PCDH9: variants seen among roughly 807,000 people sequenced by gnomAD.
PCDH9 encodes protocadherin-9.
PCDH9 carries 24 observed loss-of-function variants against 70.6 expected under a neutral mutation model. The observed-to-expected ratio is 0.34, with a 90% CI of 0.25 to 0.48. PCDH9 has a LOEUF of 0.48. Ranked by LOEUF, PCDH9 falls within the 20% of genes least tolerant of loss-of-function variation. The pLI is 0.99. For synonymous variants in PCDH9, 562 were observed against 558.5 expected (o/e 1.01, Z -0.09); for missense variants, 1,281 against 1,503.6 (o/e 0.85, Z 2.45).
intron 2 of PCDH9, among the ~76,000 whole-genome samples, chr13:67,095,226 T>C (rs2086296213): frequency 6.6e-6 from 1 of 152,166 alleles, no homozygotes; most frequent in Non-Finnish European, 1.5e-5. Flanking sequence ...GATACAGCTG[T>C]GTCCAAGGAG....
intron 3 of PCDH9, among the ~76,000 whole-genome samples, chr13:66,764,650 G>A (rs1332277260): frequency 6.6e-6 from 1 of 151,998 alleles, no homozygotes; most frequent in East Asian, 1.9e-4. Flanking sequence ...CTCTAAAGCA[G>A]ATCTATGGAA....
intron 4 of PCDH9, among the ~76,000 whole-genome samples, chr13:66,443,568 T>C (rs1958014204): frequency 6.6e-6 from 1 of 152,182 alleles, no homozygotes. Flanking sequence ...GATTTTCATG[T>C]ATTTTTTTCA....
At chr13:66,750,210 T>G (rs1289373367) in intron 3 of PCDH9, among the ~76,000 whole-genome samples, 2 of 152,110 alleles carry the variant, frequency 1.3e-5, no homozygotes, top group Admixed American at 6.6e-5. Context: ...TAAAGAAGAA[T>G]GACAAATATT....
intron 2 of PCDH9, among the ~76,000 whole-genome samples, chr13:67,104,252 C>T (rs1030616274): frequency 2.0e-5 from 3 of 152,102 alleles, no homozygotes; most frequent in African/African-American, 7.2e-5. Context: ...TTCTAACTAG[C>T]AGGTCTGTGC....
At chr13:66,476,217 A>G (rs1958726068) in intron 4 of PCDH9, among the ~76,000 whole-genome samples, 1 of 152,084 alleles carries the variant, frequency 6.6e-6, no homozygotes, top group Non-Finnish European at 1.5e-5. Context: ...GTATCCTAGA[A>G]GTTTGTTTTG....
At chr13:66,315,901 G>A (rs1374144190) in intron 4 of PCDH9, among the ~76,000 whole-genome samples, 2 of 152,144 alleles carry the variant, frequency 1.3e-5, no homozygotes, top group African/African-American at 4.8e-5. Flanking sequence ...CACAAACTTA[G>A]TGGCTTAAAA....
chr13:66,739,934 A>C (rs1034206654), intron 3 of PCDH9, among the ~76,000 whole-genome samples: 1 of 149,836 alleles, frequency 6.7e-6, no homozygotes, highest in Admixed American at 6.7e-5. Flanking sequence ...CAGATCAACG[A>C]GACAGAAAGT....
intron 2 of PCDH9, among the ~76,000 whole-genome samples, chr13:66,976,722 T>A (rs1160942124): frequency 6.6e-6 from 1 of 152,102 alleles, no homozygotes; most frequent in Non-Finnish European, 1.5e-5. Context: ...AGATACAAAC[T>A]GTAATTTGTC....
chr13:66,399,819 G>T lies in PCDH9; in HGVS notation c.3341-94791C>A, dbSNP rs1445285921. ...TATCTTAGTCTGGGTGACAGAGTGA[G>T]ACCCTGCCTCAAAAACAAACAAATA... On this transcript the variant is annotated intron_variant, in intron 4 of 4. Coordinates refer to ENST00000377865, the MANE Select transcript of PCDH9 (RefSeq NM_203487.3). Among the ~76,000 whole-genome samples the T allele has an allele frequency of 2.0e-5, 3 of 151,946 alleles. No homozygotes were observed. The East Asian group carries it at 5.8e-4, about 29-fold the overall frequency.
chr13:66,455,294 A>T (rs980937232), intron 4 of PCDH9, among the ~76,000 whole-genome samples: 5 of 151,552 alleles, frequency 3.3e-5, no homozygotes, highest in African/African-American at 9.7e-5. Context: ...ATTATAAAAA[A>T]GTTATAAAAA....
At position 66,364,785 on chromosome 13, in the gene PCDH9, G is replaced by A. The variant is rs570474226; in HGVS notation, c.3341-59757C>T. On this transcript the variant is annotated intron_variant, in intron 4 of 4. Coordinates refer to ENST00000377865, the MANE Select transcript of PCDH9 (RefSeq NM_203487.3). ...ACTGCTACATCCTTCATAGGTGTGA[G>A]GTGCAGACTGATTTTCTTGCATTTT... Among the ~76,000 whole-genome samples, 636 of 152,270 alleles carry A rather than the reference G, an allele frequency of 4.2e-3. 4 individuals are homozygous for A. Among genetic ancestry groups the A allele is most frequent in the Non-Finnish European group, 5.3e-3 (359 of 68,024 alleles).
intron 2 of PCDH9, among the ~76,000 whole-genome samples, chr13:67,071,532 T>C (rs2085761928): frequency 6.6e-6 from 1 of 152,164 alleles, no homozygotes; most frequent in South Asian, 2.1e-4. Context: ...TTTTTTTCTA[T>C]GTAAATAGAA....
Position 66,912,733 on chromosome 13 carries a change from C to A in PCDH9, c.3037-9128G>T, listed in dbSNP as rs192915436. On this transcript the variant is annotated intron_variant, in intron 2 of 4. Transcript: ENST00000377865. Reference sequence around the variant, plus strand: ...ATTTATTTATAAATTTATAAAAGTGCCATAAATAAACCATATACCTTACTA... The same window carrying A: ...ATTTATTTATAAATTTATAAAAGTGACATAAATAAACCATATACCTTACTA... Among the ~76,000 whole-genome samples, 547 of 151,598 alleles carry A rather than the reference C, an allele frequency of 3.6e-3. 4 individuals are homozygous for A. Among genetic ancestry groups the A allele is most frequent in the Non-Finnish European group, 5.6e-3 (380 of 67,846 alleles).
At chr13:66,708,543 T>C (rs1287578934) in intron 3 of PCDH9, among the ~76,000 whole-genome samples, 1 of 152,102 alleles carries the variant, frequency 6.6e-6, no homozygotes, top group African/African-American at 2.4e-5. Flanking sequence ...AGAAAATTAC[T>C]GATGGATATG....
intron 2 of PCDH9, among the ~76,000 whole-genome samples, chr13:67,053,633 TCAAA>T (rs1007575941): frequency 2.6e-5 from 4 of 152,176 alleles, no homozygotes; most frequent in African/African-American, 9.7e-5. Flanking sequence ...ATTTGTGCAC[TCAAA>T]CAAACTAAGC....
At chr13:66,516,133 T>G (rs1260802090) in intron 4 of PCDH9, among the ~76,000 whole-genome samples, 1 of 152,064 alleles carries the variant, frequency 6.6e-6, no homozygotes, top group African/African-American at 2.4e-5. Context: ...AATTGTGTAA[T>G]AATTCAATGT....
chr13:67,194,460 T>C (rs570592717), intron 2 of PCDH9, among the ~76,000 whole-genome samples: 67 of 152,168 alleles, frequency 4.4e-4, no homozygotes, highest in African/African-American at 1.5e-3. Flanking sequence ...CTCCTCAAAT[T>C]AGCTGTTTAA....
chr13:66,649,854 C>A (rs1276096949), intron 3 of PCDH9, among the ~76,000 whole-genome samples: 1 of 151,718 alleles, frequency 6.6e-6, no homozygotes, highest in African/African-American at 2.4e-5. Flanking sequence ...TTATTAGTTT[C>A]TTCTTCACTC....
chr13:66,873,611 C>A (rs899502139), intron 3 of PCDH9, among the ~76,000 whole-genome samples: 11 of 152,140 alleles, frequency 7.2e-5, no homozygotes, highest in African/African-American at 2.4e-4. Context: ...GTTTACTATA[C>A]TTCCTCAAGA....
Sources: gnomAD v4.1 joint callset for allele counts (sites outside exome capture counted in the v4.1 genomes callset) on GRCh38, gnomAD v4.1.1 for gene constraint, MANE v1.5 for transcripts, NCBI Gene and HGNC (gene_info 2026-07-23, HGNC 2026-07-21) for gene names.